Variants in CACNA1B observed in about 807,000 individuals in gnomAD.
CACNA1B encodes the protein voltage-dependent N-type calcium channel subunit alpha-1B.
A neutral mutation model predicts 247.2 loss-of-function variants in CACNA1B; 70 were observed. The ratio of observed to expected loss-of-function variants is 0.28; its 90% CI spans 0.23 to 0.35. CACNA1B has a LOEUF of 0.35. Among genes scored for constraint, CACNA1B ranks in the 10% least tolerant of loss-of-function variants. CACNA1B has a pLI of 1.00. For missense variants in CACNA1B, 2,367 were observed against 3,197.4 expected (o/e 0.74, Z 6.26); for synonymous variants, 1,231 against 1,294.4 (o/e 0.95, Z 1.05).
chr9:138,045,945 C>T (rs939002102), intron 21 of CACNA1B, among the ~76,000 whole-genome samples: 2 of 152,108 alleles, frequency 1.3e-5, no homozygotes, highest in Non-Finnish European at 2.9e-5. Context: ...GGGCGGTGGA[C>T]ACGCCTGCGA....
rs1197032928 is a variant in CACNA1B, at chr9:137,954,119, T to C, written c.1071-1579T>C. Among the ~76,000 whole-genome samples, 3 of 152,130 alleles carry C rather than the reference T, an allele frequency of 2.0e-5. No individual in the cohort carries two copies. The highest frequency in any genetic ancestry group is 7.2e-5 in the African/African-American group (3 of 41,422). On this transcript the variant is annotated intron_variant, in intron 7 of 46. Transcript: ENST00000371372. This position sits in a 1 kb window ranked among gnomAD's most constrained non-coding sequence, Gnocchi z 4.1. ...CCTCTGGGGAGAATGGGATATGTGA[T>C]GTTCCTCCCATCAGCGCAGCTGAAC...
rs1957257047 is a variant in CACNA1B, at chr9:137,903,041, TGG to T, written c.531-10137_531-10136del. Among the ~76,000 whole-genome samples the T allele has an allele frequency of 2.0e-5, 3 of 152,238 alleles. No individual in the cohort carries two copies. In the South Asian group the frequency reaches 6.2e-4, roughly 31 times the overall value. The stretch of plus-strand genomic sequence containing the variant: ...CTTTAGACATCTCTGATTATTTCCT[TGG>T]GACAAATGCCTAAAAGTTGGATGAG... On this transcript the variant is annotated intron_variant, in intron 3 of 46. Coordinates refer to ENST00000371372, the MANE Select transcript of CACNA1B (RefSeq NM_000718.4).
chr9:137,878,311 C>T, intron 1 of CACNA1B, 94 bp downstream of exon 1: 2 of 1,098,826 alleles, frequency 1.8e-6, no homozygotes, highest in South Asian at 4.4e-5. Flanking sequence ...AGGGCGCGAC[C>T]TGGGGAGGCG....
chr9:137,993,687 G>A (rs1046229044), intron 15 of CACNA1B, among the ~76,000 whole-genome samples: 1 of 152,110 alleles, frequency 6.6e-6, no homozygotes, highest in Admixed American at 6.5e-5. Flanking sequence ...AACGAGTAGC[G>A]AGATTGAAAT....
At position 137,879,087 on chromosome 9, in the gene CACNA1B, C is replaced by T; in HGVS notation, c.318C>T (p.Ile106=). 2.5e-6 allele frequency: 4 copies of T among 1,612,322 alleles called. No homozygotes were observed. Among genetic ancestry groups the T allele is most frequent in the Non-Finnish European group, 3.4e-6 (4 of 1,179,120 alleles). The change falls in exon 2 of 47, where the codon ATC becomes ATT. Residue 106 remains isoleucine (I), a synonymous_variant. Transcript: ENST00000371372. Reference sequence around the variant, plus strand: ...AGTATATGATCCTGGCCACCATCATCGCCAACTGCATCGTGCTGGCCCTGG... The same window carrying T: ...AGTATATGATCCTGGCCACCATCATTGCCAACTGCATCGTGCTGGCCCTGG... ...PFEYMILATI[I]ANCIVLALEQ... is the part of the protein sequence containing the mutation.
At chr9:137,933,314 G>A (rs1444331474) in intron 6 of CACNA1B, among the ~76,000 whole-genome samples, 1 of 152,174 alleles carries the variant, frequency 6.6e-6, no homozygotes, top group Non-Finnish European at 1.5e-5. Flanking sequence ...GCCTCCCAAA[G>A]TGCTGAGATT....
chr9:138,030,281 G>C lies in CACNA1B; in HGVS notation c.3286+5109G>C, dbSNP rs188774344. On this transcript the variant is annotated intron_variant, in intron 20 of 46. Transcript: ENST00000371372. ...CAAGTTGAGAAAGTTCCCGTTCATT[G>C]CTTTTTTTTTTAAAGAATTTTTGTG... Among the ~76,000 whole-genome samples, 421 of 150,572 alleles carry C rather than the reference G, an allele frequency of 2.8e-3. 4 individuals carry two copies. Among genetic ancestry groups the C allele is most frequent in the African/African-American group, 9.4e-3 (384 of 41,068 alleles).
intron 3 of CACNA1B, among the ~76,000 whole-genome samples, chr9:137,906,449 G>A (rs1957299710): frequency 6.6e-6 from 1 of 152,206 alleles, no homozygotes; most frequent in South Asian, 2.1e-4. Context: ...TGTGTTTCCA[G>A]TCTCGGTCTT....
chr9:138,030,967 A>G (rs1486419604), intron 20 of CACNA1B, among the ~76,000 whole-genome samples: 1 of 152,160 alleles, frequency 6.6e-6, no homozygotes, highest in East Asian at 1.9e-4. Context: ...AGGAGTTTGT[A>G]TAATTTTATT....
At chr9:137,983,901 G>A (rs540917736) in intron 12 of CACNA1B, among the ~76,000 whole-genome samples, 16 of 120,434 alleles carry the variant, frequency 1.3e-4, no homozygotes, top group Non-Finnish European at 2.3e-4. Context: ...GTCTGGGGTG[G>A]GGGGTGGGAG....
chr9:138,026,803 T>G (rs1958925722), intron 20 of CACNA1B, among the ~76,000 whole-genome samples: 1 of 152,216 alleles, frequency 6.6e-6, no homozygotes, highest in African/African-American at 2.4e-5. Flanking sequence ...GCATGCTTAT[T>G]GGATTATATG....
chr9:138,022,815 G>GGC (rs1554748680), intron 18 of CACNA1B, among the ~76,000 whole-genome samples, 196 bp from the exon 19 acceptor site: 1 of 151,722 alleles, frequency 6.6e-6, no homozygotes, highest in Non-Finnish European at 1.5e-5. Context: ...TGGGGGGGGG[G>GGC]GGCGGCGGGG....
intron 10 of CACNA1B, among the ~76,000 whole-genome samples, chr9:137,965,221 G>A (rs1023391490): frequency 6.6e-6 from 1 of 152,234 alleles, no homozygotes; most frequent in Non-Finnish European, 1.5e-5. Context: ...TTTTGATAGA[G>A]CAGCTGTGCT....
chr9:138,091,913 G>C (rs1960892514), intron 36 of CACNA1B, among the ~76,000 whole-genome samples: 1 of 152,128 alleles, frequency 6.6e-6, no homozygotes, highest in Non-Finnish European at 1.5e-5. Flanking sequence ...TTTACAGCTG[G>C]GCCTCCGGGG....
At position 137,981,754 on chromosome 9, in the gene CACNA1B, C is replaced by T. The variant is rs112674826; in HGVS notation, c.1657-2384C>T. On this transcript the variant is annotated intron_variant, in intron 12 of 46. Coordinates refer to ENST00000371372, the MANE Select transcript of CACNA1B (RefSeq NM_000718.4). Reference sequence around the variant, plus strand: ...TCAGCCTCCCAAAGTGTTGGGATTACAGGCATGAGCCACCACGCCTTGCCT... The same window carrying T: ...TCAGCCTCCCAAAGTGTTGGGATTATAGGCATGAGCCACCACGCCTTGCCT... 5.3e-5 allele frequency among the ~76,000 whole-genome samples: 8 copies of T among 152,358 alleles called. No homozygotes were observed. In the East Asian group the frequency reaches 5.8e-4, roughly 11 times the overall value.
At chr9:137,883,708 C>T (rs1409090645) in intron 3 of CACNA1B, among the ~76,000 whole-genome samples, 3 of 152,150 alleles carry the variant, frequency 2.0e-5, no homozygotes, top group Non-Finnish European at 2.9e-5. Context: ...CCCCACAGAG[C>T]CTGTTAGCAC....
chr9:138,115,509 A>G (rs1961821314), intron 41 of CACNA1B, 43 bp from the exon 42 acceptor site: 2 of 1,595,134 alleles, frequency 1.3e-6, no homozygotes, highest in Admixed American at 3.4e-5. Flanking sequence ...GCCACATTGC[A>G]GGCCCATTGG....
rs4066675 is a variant in CACNA1B, at chr9:138,020,098, C to CA, written c.2268-2892dup. On this transcript the variant is annotated intron_variant, in intron 18 of 46. Transcript: ENST00000371372. The surrounding 1 kb of genome is among the most constrained non-coding windows in gnomAD (Gnocchi z 4.1). ...GGCGACACAGCGAGACTCTGTCTCCCAAAAAAAAAAAAAAAAAAAAATGCA... is the reference window on the plus strand; with the variant it reads ...GGCGACACAGCGAGACTCTGTCTCCCAAAAAAAAAAAAAAAAAAAAAATGCA... Among the ~76,000 whole-genome samples, 1,130 of 83,572 alleles carry CA rather than the reference C, an allele frequency of 0.014. 5 individuals are homozygous for CA. The highest frequency in any genetic ancestry group is 0.017 in the Non-Finnish European group (633 of 37,446). The allele number at this position is 83,572 out of a possible 152,430, so 54.8% of individuals were successfully genotyped here.
At chr9:137,890,223 C>T (rs1957078342) in intron 3 of CACNA1B, 1 of 150,094 alleles carries the variant, frequency 6.7e-6, no homozygotes, top group Non-Finnish European at 1.5e-5. Context: ...CATATGCCCG[C>T]CTGGCATAGC....
Sources: allele counts gnomAD v4.1 joint callset (sites outside exome capture counted in the v4.1 genomes callset), GRCh38; gene constraint gnomAD v4.1.1; non-coding constraint Gnocchi (gnomAD v3.1); transcripts MANE v1.5; gene names NCBI Gene and HGNC (gene_info 2026-07-23, HGNC 2026-07-21).